OSBPL11: variants seen among roughly 807,000 people sequenced by gnomAD.
The protein encoded by OSBPL11 is oxysterol binding protein like 11.
OSBPL11 carries 33 observed loss-of-function variants against 84.4 expected under a neutral mutation model. That is an observed-to-expected ratio of 0.39 (90% confidence interval 0.30 to 0.52). The LOEUF is 0.52. Ranked by LOEUF, OSBPL11 falls within the 20% of genes least tolerant of loss-of-function variation. The probability of loss-of-function intolerance (pLI) is 0.72; values close to 1 mark genes in which losing one functional copy is unlikely to be tolerated. For missense variants in OSBPL11, 736 were observed against 901.1 expected, an observed-to-expected ratio of 0.82 and a Z score of 2.35; for synonymous variants, 276 against 310.2, an observed-to-expected ratio of 0.89 and a Z score of 1.16.
intron 7 of OSBPL11, among the ~76,000 whole-genome samples, chr3:125,561,597 G>GT (rs1201449299): frequency 2.0e-5 from 3 of 152,012 alleles, no homozygotes. Context: ...ATTCCAAGTC[G>GT]TATCATGTAC....
rs10541213 is a variant in OSBPL11 at position 125,552,141 on chromosome 3, G to GTATATATA, written c.1654+32_1654+39dup. 13 of 872,198 alleles carry GTATATATA rather than the reference G, an allele frequency of 1.5e-5. No homozygotes were observed. The African/African-American group carries it at 2.3e-4, about 16-fold the overall frequency. 54.0% of individuals were successfully genotyped at this position (872,198 alleles called of 1,614,324 possible). ...AAAATACATATATATATGTGTGTGT[G>GTATATATA]TATATATATATATATATATAAAATA... On this transcript the variant is annotated intron_variant, in intron 9 of 12. Coordinates refer to ENST00000296220, the MANE Select transcript of OSBPL11 (RefSeq NM_022776.5).
At chr3:125,543,639 A>G (rs1336545316) in intron 10 of OSBPL11, among the ~76,000 whole-genome samples, 6 of 152,092 alleles carry the variant, frequency 3.9e-5, no homozygotes, top group East Asian at 1.9e-4. Context: ...TGGCTCAAAC[A>G]CCTGTAATCC....
intron 5 of OSBPL11, among the ~76,000 whole-genome samples, chr3:125,567,977 G>C: frequency 7.4e-6 from 1 of 134,640 alleles, no homozygotes; most frequent in African/African-American, 2.8e-5. Flanking sequence ...CTGGGCAAAA[G>C]AGTAAAACCC....
intron 5 of OSBPL11, among the ~76,000 whole-genome samples, chr3:125,570,793 C>G (rs1163115832): frequency 6.6e-6 from 1 of 152,226 alleles, no homozygotes; most frequent in Non-Finnish European, 1.5e-5. Flanking sequence ...CCATGTGGAA[C>G]TGTAAGTCCA....
chr3:125,553,679 GA>G (rs1303045218), intron 8 of OSBPL11, among the ~76,000 whole-genome samples: 1 of 152,142 alleles, frequency 6.6e-6, no homozygotes, highest in Non-Finnish European at 1.5e-5. Flanking sequence ...AAAATAATTA[GA>G]ACAACCTGCA....
intron 4 of OSBPL11, among the ~76,000 whole-genome samples, chr3:125,578,501 TG>T (rs1394644709): frequency 6.6e-6 from 1 of 152,168 alleles, no homozygotes; most frequent in African/African-American, 2.4e-5. Flanking sequence ...TCCAGCACTT[TG>T]GGAAGCCAAG....
chr3:125,543,518 A>G (rs1235951950), intron 10 of OSBPL11, among the ~76,000 whole-genome samples: 2 of 152,204 alleles, frequency 1.3e-5, no homozygotes, highest in African/African-American at 4.8e-5. Context: ...ATAGTAGACA[A>G]GAAGTTAAAG....
At chr3:125,556,694 C>A (rs1022147534) in intron 8 of OSBPL11, among the ~76,000 whole-genome samples, 5 of 152,220 alleles carry the variant, frequency 3.3e-5, no homozygotes, top group South Asian at 2.1e-4. Context: ...CTACAAATGG[C>A]AACACAGTCC....
rs1936322194 is a variant in OSBPL11, at chr3:125,576,322, C to G, written c.533G>C (p.Ser178Thr). The G allele has an allele frequency of 1.2e-6, 2 of 1,604,748 alleles. No individual in the cohort carries two copies. Among genetic ancestry groups the G allele is most frequent in the African/African-American group, 2.7e-5 (2 of 74,138 alleles). The change falls in exon 5 of 13, where the codon AGT becomes ACT. Residue 178 changes from serine to threonine, a missense_variant. Ser to Thr is a moderately conservative substitution (Grantham distance 58). Transcript: ENST00000296220. ...LKSRSFSLAS[S>T]SNSPISQRRP... is the part of the protein sequence containing the mutation. ...CCTCTGCGATATAGGAGAATTACTA[C>G]TAGATGCAAGTGAGAAGCTCCGTGA...
At chr3:125,548,379 A>C (rs2107593442) in intron 9 of OSBPL11, among the ~76,000 whole-genome samples, 1 of 152,306 alleles carries the variant, frequency 6.6e-6, no homozygotes, top group African/African-American at 2.4e-5. Context: ...TTAAGAAAGA[A>C]AAAATGTTGT....
chr3:125,572,643 C>G (rs1936259047), intron 5 of OSBPL11, among the ~76,000 whole-genome samples: 1 of 152,018 alleles, frequency 6.6e-6, no homozygotes, highest in South Asian at 2.1e-4. Flanking sequence ...CCTTTGCCTG[C>G]TGCCATCCAT....
At chr3:125,556,020 C>T (rs181663003) in intron 8 of OSBPL11, among the ~76,000 whole-genome samples, 156 of 152,306 alleles carry the variant, frequency 1.0e-3, no homozygotes, top group African/African-American at 3.5e-3. Context: ...CAATGAAACA[C>T]GAGGGCAACA....
intron 11 of OSBPL11, among the ~76,000 whole-genome samples, chr3:125,532,585 A>AC (rs1175431957): frequency 1.3e-5 from 2 of 150,288 alleles, no homozygotes; most frequent in African/African-American, 4.9e-5. Flanking sequence ...AGCAAAAAAA[A>AC]AAAAAAACAA....
intron 7 of OSBPL11, among the ~76,000 whole-genome samples, chr3:125,563,289 G>A (rs1248071180): frequency 6.6e-6 from 1 of 151,860 alleles, no homozygotes; most frequent in Non-Finnish European, 1.5e-5. Flanking sequence ...CAACTGGCTT[G>A]GTAAAGTGCT....
chr3:125,533,142 TTTTC>T (rs935373002), intron 11 of OSBPL11, among the ~76,000 whole-genome samples: 8 of 152,050 alleles, frequency 5.3e-5, no homozygotes, highest in African/African-American at 1.4e-4. Flanking sequence ...AACATCTGTT[TTTTC>T]TTTCTTTCTT....
rs530142888 is a variant in OSBPL11, at chr3:125,559,396, C to CT, written c.1155+982dup. On this transcript the variant is annotated intron_variant, in intron 8 of 12. Transcript: ENST00000296220. ...CTGCTGCACAAGAAAGCCAGAAAGC[C>CT]TTTTTTTTTAGTGATGGAGTCTCGT... is the stretch of plus-strand genomic sequence containing the variant. Among the ~76,000 whole-genome samples, 790 of 150,718 alleles carry CT rather than the reference C, an allele frequency of 5.2e-3. 3 individuals are homozygous for CT. The highest frequency in any genetic ancestry group is 8.6e-3 in the Non-Finnish European group (580 of 67,522).
intron 10 of OSBPL11, among the ~76,000 whole-genome samples, chr3:125,545,180 T>C (rs937255452): frequency 2.6e-5 from 4 of 152,300 alleles, no homozygotes; most frequent in African/African-American, 9.6e-5. Flanking sequence ...AAGAAGACAC[T>C]GTCTGTTATT....
rs1935994904 is a variant in OSBPL11, at chr3:125,556,625, A to G, written c.1155+3754T>C. 2.0e-5 allele frequency among the ~76,000 whole-genome samples: 3 copies of G among 152,344 alleles called. No individual in the cohort carries two copies. In the South Asian group the frequency reaches 6.2e-4, roughly 32 times the overall value. On this transcript the variant is annotated intron_variant, in intron 8 of 12. Coordinates refer to ENST00000296220, the MANE Select transcript of OSBPL11 (RefSeq NM_022776.5). ...CTCTTCTAAACTTTCTCAATAACTT[A>G]TAAGAAGCTAAAGCCAGAGACTCAA...
intron 9 of OSBPL11, among the ~76,000 whole-genome samples, chr3:125,550,820 C>T (rs35364302): frequency 0.068 from 10,325 of 152,162 alleles, 471 homozygotes; most frequent in Non-Finnish European, 0.098. Flanking sequence ...CTTTTATCAG[C>T]ATATATTTTT....
Sources: allele counts gnomAD v4.1 joint callset (sites outside exome capture counted in the v4.1 genomes callset), GRCh38; gene constraint gnomAD v4.1.1; transcripts MANE v1.5; gene names NCBI Gene and HGNC (gene_info 2026-07-23, HGNC 2026-07-21).